Variants in LCMT1 observed in about 807,000 individuals in gnomAD.
LCMT1 encodes [Phosphatase 2A protein]-leucine-carboxy methyltransferase 1.
LCMT1 carries 32 observed loss-of-function variants against 47.7 expected under a neutral mutation model. The ratio of observed to expected loss-of-function variants is 0.67; its 90% CI spans 0.51 to 0.90. The LOEUF (loss-of-function observed/expected upper bound fraction) is 0.90, where lower values mean the gene tolerates loss of function less well. Among genes scored for constraint, LCMT1 ranks in the 40% least tolerant of loss-of-function variants. The pLI, the probability that LCMT1 is intolerant of heterozygous loss-of-function variation, is 0.00. For missense variants in LCMT1, 375 were observed against 415.2 expected, an observed-to-expected ratio of 0.90 and a Z score of 0.84; for synonymous variants, 152 against 149.7, an observed-to-expected ratio of 1.02 and a Z score of -0.11.
chr16:25,139,913 T>A, intron 3 of LCMT1: 1 of 428,744 alleles, frequency 2.3e-6, no homozygotes, highest in South Asian at 3.3e-5. Flanking sequence ...AGCTGCCACC[T>A]GCTAGCTCAG....
At chr16:25,152,551 G>A (rs569233599) in intron 5 of LCMT1, among the ~76,000 whole-genome samples, 22 of 152,266 alleles carry the variant, frequency 1.4e-4, no homozygotes, top group African/African-American at 4.6e-4. Context: ...ATTCTGTAAA[G>A]ACCTTGAGTT....
intron 2 of LCMT1, among the ~76,000 whole-genome samples, chr16:25,131,912 T>G (rs1051483602): frequency 3.3e-5 from 5 of 152,228 alleles, no homozygotes; most frequent in Non-Finnish European, 7.3e-5. Flanking sequence ...ACCCCCATTT[T>G]ACATAGAGAC....
In LCMT1 at chr16:25,113,558, G is replaced by A. The variant is rs76994799; in HGVS notation, c.113+1562G>A. On this transcript the variant is annotated intron_variant, in intron 1 of 10. Coordinates refer to ENST00000399069, the MANE Select transcript of LCMT1 (RefSeq NM_016309.3). ...CACTTGGAGCAGTGTCTGGCATGTAGTCCATGTAAGTGGTGATTGATTAAA... is the reference window on the plus strand; with the variant it reads ...CACTTGGAGCAGTGTCTGGCATGTAATCCATGTAAGTGGTGATTGATTAAA... Among the ~76,000 whole-genome samples, 823 of 152,310 alleles carry A rather than the reference G, an allele frequency of 5.4e-3. 10 individuals carry two copies. The highest frequency in any genetic ancestry group is 0.018 in the African/African-American group (753 of 41,554).
rs73563462 is a variant in LCMT1, at chr16:25,138,264, A to G, written c.328-1907A>G. 8.9e-3 allele frequency among the ~76,000 whole-genome samples: 1,356 copies of G among 152,230 alleles called. 19 individuals are homozygous for G. The highest frequency in any genetic ancestry group is 0.031 in the African/African-American group (1,289 of 41,522). Reference sequence around the variant, plus strand: ...AGAGCTGCAGAAGGCCACCTGCAGTAGATAGTGCAGTACACAGCAGCGTGC... The same window carrying G: ...AGAGCTGCAGAAGGCCACCTGCAGTGGATAGTGCAGTACACAGCAGCGTGC... On this transcript the variant is annotated intron_variant, in intron 3 of 10. Coordinates refer to ENST00000399069, the MANE Select transcript of LCMT1 (RefSeq NM_016309.3).
intron 4 of LCMT1, chr16:25,145,344 T>A (rs1960817459): frequency 6.6e-6 from 1 of 152,196 alleles, no homozygotes. Context: ...GTAATAAAAG[T>A]CCCATTCTGT....
chr16:25,161,086 CTG>C lies in LCMT1; in HGVS notation c.467-15_467-14del. 3.3e-6 allele frequency: 5 copies of C among 1,504,636 alleles called. No homozygotes were observed. The highest frequency in any genetic ancestry group is 4.6e-6 in the Non-Finnish European group (5 of 1,090,094). The allele number at this position is 1,504,636 out of a possible 1,614,324, so 93.2% of individuals were successfully genotyped here. ...GACATATTCATTAAAATTATAGCCT[CTG>C]ATTGCATTTGCAGATGGACACATAC... is the stretch of plus-strand genomic sequence containing the variant. On this transcript the variant is annotated splice_polypyrimidine_tract_variant and intron_variant, in intron 5 of 10. Coordinates refer to ENST00000399069, the MANE Select transcript of LCMT1 (RefSeq NM_016309.3).
chr16:25,113,771 G>A (rs1959702035), intron 1 of LCMT1, among the ~76,000 whole-genome samples: 1 of 152,136 alleles, frequency 6.6e-6, no homozygotes, highest in Non-Finnish European at 1.5e-5. Context: ...AAGTAGCTGG[G>A]ATCACAGGCA....
At chr16:25,119,832 C>G (rs1040225516) in intron 1 of LCMT1, among the ~76,000 whole-genome samples, 2 of 152,008 alleles carry the variant, frequency 1.3e-5, no homozygotes, top group Non-Finnish European at 2.9e-5. Flanking sequence ...CACTTCAGAG[C>G]TAGAACATTC....
Position 25,175,039 on chromosome 16 carries a change from G to T in LCMT1, c.982+5G>T. 2 of 1,555,954 alleles carry T rather than the reference G, an allele frequency of 1.3e-6. No homozygotes were observed. Among genetic ancestry groups the T allele is most frequent in the Non-Finnish European group, 1.8e-6 (2 of 1,130,100 alleles). On this transcript the variant is annotated splice_donor_5th_base_variant and intron_variant, in intron 10 of 10. Transcript: ENST00000399069. ...CCAAAGGAGGAAATGAGCTTGGTGC[G>T]TGATTGTACTTTTCTTGCCTTGACC...
At chr16:25,119,712 C>T (rs1172464358) in intron 1 of LCMT1, among the ~76,000 whole-genome samples, 2 of 152,124 alleles carry the variant, frequency 1.3e-5, no homozygotes, top group Non-Finnish European at 2.9e-5. Context: ...CAGGGCCTTT[C>T]CGGCATCCTG....
At chr16:25,123,410 A>G (rs1448861362) in intron 1 of LCMT1, among the ~76,000 whole-genome samples, 2 of 151,450 alleles carry the variant, frequency 1.3e-5, no homozygotes, top group African/African-American at 4.9e-5. Context: ...TTTTTAGTAG[A>G]GATGGAGTTT....
chr16:25,151,737 TA>T, intron 5 of LCMT1, 122 bp downstream of exon 5: 1 of 438,942 alleles, frequency 2.3e-6, no homozygotes, highest in Non-Finnish European at 3.8e-6. Flanking sequence ...TTATACAATG[TA>T]TTGTCAACTG....
chr16:25,173,665 C>T (rs767247373), intron 9 of LCMT1, among the ~76,000 whole-genome samples: 1 of 151,846 alleles, frequency 6.6e-6, no homozygotes, highest in Admixed American at 6.6e-5. Flanking sequence ...TTGAAAATGC[C>T]GGACTTTTCC....
chr16:25,164,495 C>T (rs1034427071), intron 6 of LCMT1, 103 bp from the exon 7 acceptor site: 1 of 1,419,424 alleles, frequency 7.0e-7, no homozygotes, highest in African/African-American at 1.4e-5. Flanking sequence ...TTCTGAGTTC[C>T]CTGGGGCATG....
intron 10 of LCMT1, among the ~76,000 whole-genome samples, chr16:25,177,284 A>T (rs1193260815): frequency 6.6e-6 from 1 of 152,230 alleles, no homozygotes; most frequent in Non-Finnish European, 1.5e-5. Context: ...TCTAAAAAGT[A>T]TGACTAAGAA....
At chr16:25,145,502 T>A (rs1209040309) in intron 4 of LCMT1, 1 of 152,136 alleles carries the variant, frequency 6.6e-6, no homozygotes, top group Non-Finnish European at 1.5e-5. Flanking sequence ...TGGAGAGGGC[T>A]ACACAAAAGA....
chr16:25,176,121 G>A (rs987166893), intron 10 of LCMT1, among the ~76,000 whole-genome samples: 4 of 152,176 alleles, frequency 2.6e-5, no homozygotes, highest in Non-Finnish European at 5.9e-5. Flanking sequence ...ATGCCTGTCT[G>A]TGGCCGAGTA....
intron 5 of LCMT1, among the ~76,000 whole-genome samples, chr16:25,157,534 C>G (rs1483900357): frequency 6.6e-6 from 1 of 151,810 alleles, no homozygotes; most frequent in Non-Finnish European, 1.5e-5. Flanking sequence ...CAATGCAACG[C>G]TGTCTCAAAA....
chr16:25,136,831 G>A (rs866696471), intron 3 of LCMT1, among the ~76,000 whole-genome samples: 5 of 151,830 alleles, frequency 3.3e-5, no homozygotes, highest in Non-Finnish European at 5.9e-5. Flanking sequence ...GAGCCACCGC[G>A]CCCCACAGGA....
Sources: allele counts gnomAD v4.1 joint callset (sites outside exome capture counted in the v4.1 genomes callset), GRCh38; gene constraint gnomAD v4.1.1; transcripts MANE v1.5; gene names NCBI Gene and HGNC (gene_info 2026-07-23, HGNC 2026-07-21).